Variants in SGIP1 observed in about 807,000 individuals in gnomAD.
The protein encoded by SGIP1 is SH3GL interacting endocytic adaptor 1.
Under a neutral mutation model 107.5 loss-of-function variants are expected in SGIP1, and 38 were observed. That is an observed-to-expected ratio of 0.35 (90% CI 0.27 to 0.46). The LOEUF is 0.46. SGIP1 is among the 20% of genes least tolerant of loss of function. The pLI is 1.00. For synonymous variants in SGIP1, 365 were observed against 366.1 expected, an observed-to-expected ratio of 1.00 and a Z score of 0.03; for missense variants, 929 against 1,019.5, an observed-to-expected ratio of 0.91 and a Z score of 1.21.
intron 1 of SGIP1, among the ~76,000 whole-genome samples, chr1:66,562,299 A>G (rs1366238438): frequency 6.6e-6 from 1 of 152,024 alleles, no homozygotes; most frequent in Non-Finnish European, 1.5e-5. Flanking sequence ...CAAATGCAAT[A>G]GATATTAGAG....
intron 18 of SGIP1, among the ~76,000 whole-genome samples, chr1:66,715,861 T>G (rs1358381028): frequency 6.6e-6 from 1 of 152,196 alleles, no homozygotes; most frequent in Non-Finnish European, 1.5e-5. Flanking sequence ...GATATTTTTC[T>G]TATAAGTTCC....
chr1:66,645,190 T>C (rs2077449211), intron 7 of SGIP1, among the ~76,000 whole-genome samples: 1 of 152,160 alleles, frequency 6.6e-6, no homozygotes, highest in African/African-American at 2.4e-5. Context: ...AGAAGGCAAG[T>C]TCAGAGGATT....
At chr1:66,681,815 C>A in intron 14 of SGIP1, 54 bp from the exon 15 acceptor site, 6 of 1,548,678 alleles carry the variant, frequency 3.9e-6, no homozygotes, top group Non-Finnish European at 5.2e-6. Context: ...CTCCCTCACT[C>A]CCCACACAAA....
chr1:66,701,445 T>C (rs145974046), intron 18 of SGIP1, among the ~76,000 whole-genome samples: 1 of 152,324 alleles, frequency 6.6e-6, no homozygotes. Context: ...ACTGTCTTCA[T>C]TAGAAATATT....
chr1:66,742,008 C>A (rs1350093599), intron 24 of SGIP1, among the ~76,000 whole-genome samples: 3 of 152,086 alleles, frequency 2.0e-5, no homozygotes, highest in Non-Finnish European at 4.4e-5. Context: ...GCTCGTGATC[C>A]GCCTGCCTCG....
Position 66,689,070 on chromosome 1 carries a change from G to A in SGIP1, c.1316-78G>A, listed in dbSNP as rs537002004. On this transcript the variant is annotated intron_variant, in intron 15 of 24. Transcript: ENST00000371037. ...GGCAAAAAAAAAAAAAAAAATGTCC[G>A]GGACTGGCATTATACTGTGATAACA... 1,865 of 1,434,198 alleles carry A rather than the reference G, an allele frequency of 1.3e-3. 7 individuals carry two copies. The highest frequency in any genetic ancestry group is 0.011 in the Middle Eastern group (58 of 5,348). The allele number at this position is 1,434,198 out of a possible 1,614,324, so 88.8% of individuals were successfully genotyped here.
chr1:66,576,365 T>C (rs947520168), intron 1 of SGIP1, among the ~76,000 whole-genome samples: 1 of 152,172 alleles, frequency 6.6e-6, no homozygotes, highest in Non-Finnish European at 1.5e-5. Flanking sequence ...GTTAGGAGCA[T>C]GGGCTTCTGG....
Position 66,747,543 on chromosome 1 carries a change from G to A in SGIP1, c.*4448G>A, listed in dbSNP as rs376736842. 6.6e-6 allele frequency: 1 copy of A among 151,964 alleles called. No individual in the cohort carries two copies. Among genetic ancestry groups the A allele is most frequent in the Non-Finnish European group, 1.5e-5 (1 of 67,880 alleles). 9.4% of individuals were successfully genotyped at this position (151,964 alleles called of 1,614,324 possible). On this transcript the variant is annotated 3_prime_UTR_variant, in exon 25 of 25. Coordinates refer to ENST00000371037, the MANE Select transcript of SGIP1 (RefSeq NM_032291.4). ...TGAAGTAGAAGGGAAGTTGCAAGCT[G>A]TTATTTATTCAAATACAAAATCCTA... is the stretch of plus-strand genomic sequence containing the variant.
intron 18 of SGIP1, among the ~76,000 whole-genome samples, chr1:66,716,784 T>C (rs2093270581): frequency 6.6e-6 from 1 of 152,152 alleles, no homozygotes; most frequent in African/African-American, 2.4e-5. Context: ...AAAGGAATTA[T>C]GATTTTAATG....
At chr1:66,609,497 A>T (rs1345944870) in intron 1 of SGIP1, among the ~76,000 whole-genome samples, 1 of 152,222 alleles carries the variant, frequency 6.6e-6, no homozygotes, top group Non-Finnish European at 1.5e-5. Flanking sequence ...GCTTAGAGTT[A>T]CTGTGACAGA....
intron 18 of SGIP1, among the ~76,000 whole-genome samples, chr1:66,713,676 C>CT: frequency 6.6e-6 from 1 of 152,118 alleles, no homozygotes; most frequent in East Asian, 1.9e-4. Flanking sequence ...AAGGATATGC[C>CT]TCATACATTT....
At chr1:66,703,180 A>T (rs2092139193) in intron 18 of SGIP1, among the ~76,000 whole-genome samples, 1 of 152,164 alleles carries the variant, frequency 6.6e-6, no homozygotes, top group Non-Finnish European at 1.5e-5. Flanking sequence ...GGAATTATGG[A>T]GGTGAAATAA....
chr1:66,632,289 A>G (rs1290383321), intron 2 of SGIP1, among the ~76,000 whole-genome samples: 1 of 152,152 alleles, frequency 6.6e-6, no homozygotes, highest in Admixed American at 6.5e-5. Context: ...GCCACCATAG[A>G]ATAGCTGCCC....
At chr1:66,647,499 T>G (rs545476814) in intron 7 of SGIP1, among the ~76,000 whole-genome samples, 29 of 152,326 alleles carry the variant, frequency 1.9e-4, no homozygotes, top group African/African-American at 6.7e-4. Context: ...AAATGGCTAT[T>G]GGTGGACTTT....
Position 66,602,266 on chromosome 1 carries a change from G to A in SGIP1, c.11-23581G>A, listed in dbSNP as rs866537236. 6.6e-5 allele frequency among the ~76,000 whole-genome samples: 10 copies of A among 152,150 alleles called. No homozygotes were observed. In the South Asian group the frequency reaches 1.2e-3, roughly 19 times the overall value. ...ATAGGATTTGAGAGACCTGAAACTC[G>A]ACCCATGTGACCTGAGCTTCCCAAA... is the stretch of plus-strand genomic sequence containing the variant. On this transcript the variant is annotated intron_variant, in intron 1 of 24. Transcript: ENST00000371037.
chr1:66,589,359 CAA>C (rs5774824), intron 1 of SGIP1, among the ~76,000 whole-genome samples: 10 of 131,492 alleles, frequency 7.6e-5, no homozygotes, highest in South Asian at 2.4e-4. Flanking sequence ...AATTTGGGCA[CAA>C]AAAAAAAAAA....
chr1:66,583,312 T>G (rs12072937), intron 1 of SGIP1, among the ~76,000 whole-genome samples: 28,592 of 152,014 alleles, frequency 0.19, 3,186 homozygotes, highest in African/African-American at 0.31. Context: ...TATGTAATGT[T>G]TGCACTGGAA....
chr1:66,737,500 C>A (rs965232836), intron 21 of SGIP1, among the ~76,000 whole-genome samples: 7 of 151,946 alleles, frequency 4.6e-5, no homozygotes, highest in African/African-American at 1.7e-4. Context: ...CGAGACTAGC[C>A]TGGGCAACAT....
intron 1 of SGIP1, among the ~76,000 whole-genome samples, chr1:66,565,551 G>A (rs186849280): frequency 6.6e-6 from 1 of 152,066 alleles, no homozygotes; most frequent in Non-Finnish European, 1.5e-5. Flanking sequence ...CGATGAGGCA[G>A]TAAAAAAATT....
Sources: gnomAD v4.1 joint callset for allele counts (sites outside exome capture counted in the v4.1 genomes callset) on GRCh38, gnomAD v4.1.1 for gene constraint, MANE v1.5 for transcripts, NCBI Gene and HGNC (gene_info 2026-07-23, HGNC 2026-07-21) for gene names.